Variants in CD46 observed in about 807,000 individuals in gnomAD.
CD46 encodes membrane cofactor protein.
In CD46, 30 loss-of-function variants were observed where a neutral mutation model predicts 53.3. That is an observed-to-expected ratio of 0.56 (90% CI 0.42 to 0.76). The LOEUF (loss-of-function observed/expected upper bound fraction) is 0.76, where lower values mean the gene tolerates loss of function less well. CD46 is among the 30% of genes least tolerant of loss of function. The probability of loss-of-function intolerance (pLI) is 0.00; values close to 1 mark genes in which losing one functional copy is unlikely to be tolerated. For synonymous variants in CD46, 142 were observed against 152.0 expected, an observed-to-expected ratio of 0.93 and a Z score of 0.48; for missense variants, 409 against 463.0, an observed-to-expected ratio of 0.88 and a Z score of 1.07.
chr1:207,768,054 TTATA>T, intron 7 of CD46: 1 of 504,264 alleles, frequency 2.0e-6, no homozygotes, highest in Non-Finnish European at 3.5e-6. Flanking sequence ...TTGAATGTGT[TTATA>T]TATATATGTT....
intron 8 of CD46, among the ~76,000 whole-genome samples, chr1:207,780,182 C>A (rs1658597087): frequency 6.6e-6 from 1 of 151,928 alleles, no homozygotes; most frequent in South Asian, 2.1e-4. Flanking sequence ...TCCTCCCTAT[C>A]CCCATCACCT....
Position 207,767,362 on chromosome 1 carries a change from A to G in CD46, c.856+167A>G, listed in dbSNP as rs141420882. 748 of 743,838 alleles carry G rather than the reference A, an allele frequency of 1.0e-3. 13 individuals are homozygous for G. In the East Asian group the frequency reaches 0.02, roughly 20 times the overall value. The allele number at this position is 743,838 out of a possible 1,614,324, so 46.1% of individuals were successfully genotyped here. A position where few individuals can be genotyped will look rare whatever the true frequency, so the allele number is the denominator to read the frequency against. On this transcript the variant is annotated intron_variant, in intron 6 of 12. Coordinates refer to ENST00000367042, the MANE Select transcript of CD46 (RefSeq NM_172351.3). Reference sequence around the variant, plus strand: ...ATTTCTATGCCAGATGAATGACACGAAATTCACATAAAATTCTGCTGTTGT... The same window carrying G: ...ATTTCTATGCCAGATGAATGACACGGAATTCACATAAAATTCTGCTGTTGT...
intron 9 of CD46, among the ~76,000 whole-genome samples, 162 bp from the exon 10 acceptor site, chr1:207,784,909 G>A (rs568527146): frequency 6.6e-6 from 1 of 152,244 alleles, no homozygotes; most frequent in African/African-American, 2.4e-5. Flanking sequence ...ACCTCTCATG[G>A]GGTCCCTCCC....
chr1:207,771,150 GTGA>G (rs1657470776), intron 8 of CD46, among the ~76,000 whole-genome samples: 2 of 152,208 alleles, frequency 1.3e-5, no homozygotes, highest in South Asian at 4.1e-4. Flanking sequence ...CTGATGACCA[GTGA>G]TGATGAGCAT....
chr1:207,780,076 C>T (rs1341261442), intron 8 of CD46, among the ~76,000 whole-genome samples: 1 of 151,822 alleles, frequency 6.6e-6, no homozygotes, highest in African/African-American at 2.4e-5. Context: ...GCATTCAGTA[C>T]ACTGACATTG....
intron 8 of CD46, among the ~76,000 whole-genome samples, chr1:207,776,998 T>C (rs879283609): frequency 6.6e-6 from 1 of 152,234 alleles, no homozygotes; most frequent in Non-Finnish European, 1.5e-5. Flanking sequence ...TATTTATTCA[T>C]GTGCTTTGTC....
chr1:207,786,193 T>C (rs1352916922), intron 11 of CD46: 1 of 157,610 alleles, frequency 6.3e-6, no homozygotes, highest in African/African-American at 2.4e-5. Context: ...AAAGTTGTTA[T>C]TTATACATGT....
intron 4 of CD46, 60 bp downstream of exon 4, chr1:207,759,784 T>G: frequency 1.2e-6 from 1 of 833,544 alleles, no homozygotes; most frequent in Non-Finnish European, 2.0e-6. Context: ...TTTGCCTCCT[T>G]TACACCCTTT....
At chr1:207,769,278 A>T (rs1333550516) in intron 7 of CD46, 1 of 152,196 alleles carries the variant, frequency 6.6e-6, no homozygotes, top group African/African-American at 2.4e-5. Flanking sequence ...CCTTCTTATA[A>T]TTCCTGTAAG....
rs927917694 is a variant in CD46 at position 207,785,656 on chromosome 1, A to T, written c.1056A>T (p.Arg352Ser). 13 of 1,610,750 alleles carry T rather than the reference A, an allele frequency of 8.1e-6. No homozygotes were observed. Among genetic ancestry groups the T allele is most frequent in the Non-Finnish European group, 1.1e-5 (13 of 1,177,106 alleles). Residue 352 changes from arginine (R) to serine (S), a missense_variant, in exon 11 of 13, where the codon AGA (arginine) becomes AGT (serine). Coordinates refer to ENST00000367042, the MANE Select transcript of CD46 (RefSeq NM_172351.3). ...GVAVICVVPY[R>S]YLQRRKKKGT... The stretch of plus-strand genomic sequence containing the variant: ...CAGTAATTTGTGTTGTCCCGTACAG[A>T]TATCTTCAAAGGAGGAAGAAGAAAG...
intron 5 of CD46, 65 bp from the exon 6 acceptor site, chr1:207,766,948 A>C (rs913971995): frequency 7.8e-7 from 1 of 1,285,512 alleles, no homozygotes; most frequent in Non-Finnish European, 1.1e-6. Flanking sequence ...GGAAATTACT[A>C]CTTTGTACTA....
chr1:207,793,507 C>G lies in CD46; in HGVS notation c.*42-12C>G, dbSNP rs1384059021. The G allele has an allele frequency of 1.2e-6, 2 of 1,601,674 alleles. No individual in the cohort carries two copies. Among genetic ancestry groups the G allele is most frequent in the Non-Finnish European group, 1.7e-6 (2 of 1,169,126 alleles). On this transcript the variant is annotated splice_polypyrimidine_tract_variant and intron_variant, in intron 12 of 12. Coordinates refer to ENST00000367042, the MANE Select transcript of CD46 (RefSeq NM_172351.3). ...TTTATCTTTGACATGATCTTTATAC[C>G]TTGGTTTGCAGGAAAGCAGATGGTG...
chr1:207,764,717 A>G (rs1656651151), intron 5 of CD46, among the ~76,000 whole-genome samples: 1 of 152,212 alleles, frequency 6.6e-6, no homozygotes, highest in South Asian at 2.1e-4. Flanking sequence ...GACAACTGAA[A>G]TGGACAGATT....
chr1:207,777,482 T>C lies in CD46; in HGVS notation c.944-5810T>C, dbSNP rs566264532. On this transcript the variant is annotated intron_variant, in intron 8 of 12. Coordinates refer to ENST00000367042, the MANE Select transcript of CD46 (RefSeq NM_172351.3). ...TAGTTACCTTTTCTGCTCTTCTTCC[T>C]ACTCCCACCCTCCCCGGTCAAGTAT... Among the ~76,000 whole-genome samples, 44 of 152,186 alleles carry C rather than the reference T, an allele frequency of 2.9e-4. 1 individual carries two copies. Among genetic ancestry groups the C allele is most frequent in the Non-Finnish European group, 6.2e-4 (42 of 68,018 alleles).
In CD46 at chr1:207,757,603, A is replaced by C. The variant is rs1435720610; in HGVS notation, c.350A>C (p.Tyr117Ser). The C allele has an allele frequency of 5.6e-6, 9 of 1,611,536 alleles. No homozygotes were observed. In the South Asian group the frequency reaches 9.9e-5, roughly 18 times the overall value. The part of the protein sequence containing the change: ...NGQAVPANGT[Y>S]EFGYQMHFIC... ...CAAGCAGTCCCTGCAAATGGGACTT[A>C]CGAGTTTGGTTATCAGATGCACTTT... The change falls in exon 3 of 13, where the codon TAC (tyrosine) becomes TCC (serine). Residue 117 changes from tyrosine (Y) to serine (S), a missense_variant. Coordinates refer to ENST00000367042, the MANE Select transcript of CD46 (RefSeq NM_172351.3).
Position 207,761,416 on chromosome 1 carries a change from G to T in CD46, c.643G>T (p.Val215Leu), listed in dbSNP as rs535353049. 6.2e-7 allele frequency: 1 copy of T among 1,613,924 alleles called. No individual in the cohort carries two copies. Among genetic ancestry groups the T allele is most frequent in the East Asian group, 2.2e-5 (1 of 44,878 alleles). ...CACGATTTATTGTGGTGACAATTCA[G>T]TGTGGAGTCGTGCTGCTCCAGAGTG... ...ESTIYCGDNS[V>L]WSRAAPECKV... The change falls in exon 5 of 13, where the codon GTG (valine) becomes TTG (leucine). Residue 215 changes from valine to leucine, a missense_variant. By Grantham distance (32) the Val-to-Leu change is conservative. Coordinates refer to ENST00000367042, the MANE Select transcript of CD46 (RefSeq NM_172351.3).
At chr1:207,759,231 T>C (rs1181201720) in intron 3 of CD46, among the ~76,000 whole-genome samples, 2 of 152,152 alleles carry the variant, frequency 1.3e-5, no homozygotes, top group African/African-American at 4.8e-5. Flanking sequence ...TTACCCAAGC[T>C]CAAGAAACTA....
At chr1:207,765,701 A>G (rs536499764) in intron 5 of CD46, among the ~76,000 whole-genome samples, 47 of 152,364 alleles carry the variant, frequency 3.1e-4, no homozygotes, top group African/African-American at 8.7e-4. Context: ...TATGGAGCAG[A>G]TGAAACTCTC....
intron 2 of CD46, 54 bp from the exon 3 acceptor site, chr1:207,757,486 A>G (rs1448998656): frequency 8.5e-7 from 1 of 1,182,440 alleles, no homozygotes; most frequent in Non-Finnish European, 1.2e-6. Flanking sequence ...TTTGATTTTG[A>G]TTCAGATCTG....
Sources: allele counts gnomAD v4.1 joint callset (sites outside exome capture counted in the v4.1 genomes callset), GRCh38; gene constraint gnomAD v4.1.1; transcripts MANE v1.5; gene names NCBI Gene and HGNC (gene_info 2026-07-23, HGNC 2026-07-21).